DENND5B: variants seen among roughly 807,000 people sequenced by gnomAD.
The protein encoded by DENND5B is DENN domain containing 5B, also known as DENN domain-containing protein 5B.
A neutral mutation model predicts 140.6 loss-of-function variants in DENND5B; 34 were observed. That is an observed-to-expected ratio of 0.24 (90% CI 0.18 to 0.32). The LOEUF is 0.32. DENND5B is among the 10% of genes least tolerant of loss of function. The pLI is 1.00. For missense variants in DENND5B, 1,142 were observed against 1,560.2 expected, an observed-to-expected ratio of 0.73 and a Z score of 4.52; for synonymous variants, 551 against 562.1, an observed-to-expected ratio of 0.98 and a Z score of 0.28.
At chr12:31,461,577 T>C (rs896227483) in intron 3 of DENND5B, among the ~76,000 whole-genome samples, 3 of 152,210 alleles carry the variant, frequency 2.0e-5, no homozygotes, top group South Asian at 4.1e-4. Flanking sequence ...ATACCACATA[T>C]ATGAACTATC....
chr12:31,582,693 A>G (rs1950245597), intron 1 of DENND5B, among the ~76,000 whole-genome samples: 1 of 152,230 alleles, frequency 6.6e-6, no homozygotes, highest in Admixed American at 6.5e-5. Flanking sequence ...AAGAAGAAAC[A>G]AGCTAGGTCA....
intron 1 of DENND5B, among the ~76,000 whole-genome samples, chr12:31,585,243 A>G (rs886503792): frequency 3.3e-5 from 5 of 152,228 alleles, no homozygotes; most frequent in African/African-American, 1.2e-4. Flanking sequence ...CTTTGGCCTC[A>G]TTAAAATGAA....
At chr12:31,446,259 C>G (rs1421487508) in intron 6 of DENND5B, among the ~76,000 whole-genome samples, 1 of 152,066 alleles carries the variant, frequency 6.6e-6, no homozygotes. Context: ...AGTGATTCTT[C>G]TATGTCAGCC....
chr12:31,449,669 G>C (rs965992659), intron 5 of DENND5B, among the ~76,000 whole-genome samples: 11 of 151,486 alleles, frequency 7.3e-5, no homozygotes, highest in African/African-American at 2.7e-4. Context: ...GGAAGTATCA[G>C]GGCTTGATTT....
chr12:31,510,465 G>C (rs777856560), intron 1 of DENND5B, among the ~76,000 whole-genome samples: 1 of 152,066 alleles, frequency 6.6e-6, no homozygotes, highest in Non-Finnish European at 1.5e-5. Flanking sequence ...ACAGGCGCCC[G>C]CCACCACACC....
chr12:31,426,168 G>A, intron 9 of DENND5B, 125 bp downstream of exon 9: 1 of 1,122,584 alleles, frequency 8.9e-7, no homozygotes, highest in Non-Finnish European at 1.2e-6. Flanking sequence ...TGAGGTCAAT[G>A]CCACAGTAAA....
rs182449176 is a variant in DENND5B, at chr12:31,398,436, T to G, written c.3069-74A>C. On this transcript the variant is annotated intron_variant, in intron 16 of 20. Transcript: ENST00000389082. ...GGTTCCCGCTCAGCCCCCTGAGTAGTTGAGACTACAGGTGTGCACCACCAC... is the reference window on the plus strand; with the variant it reads ...GGTTCCCGCTCAGCCCCCTGAGTAGGTGAGACTACAGGTGTGCACCACCAC... 5.0e-6 allele frequency: 7 copies of G among 1,408,682 alleles called. No homozygotes were observed. The Admixed American group carries it at 1.4e-4, about 27-fold the overall frequency. The allele number at this position is 1,408,682 out of a possible 1,614,324, so 87.3% of individuals were successfully genotyped here. A position where few individuals can be genotyped will look rare whatever the true frequency, so the allele number is the denominator to read the frequency against.
chr12:31,472,796 A>G (rs879829105), intron 3 of DENND5B, among the ~76,000 whole-genome samples: 7 of 152,188 alleles, frequency 4.6e-5, no homozygotes, highest in Non-Finnish European at 1.0e-4. Flanking sequence ...ATTAATCAAA[A>G]TAAAGACTCA....
intron 1 of DENND5B, among the ~76,000 whole-genome samples, chr12:31,545,399 T>C (rs1333873864): frequency 6.6e-6 from 1 of 152,088 alleles, no homozygotes; most frequent in Non-Finnish European, 1.5e-5. Context: ...TTCTCCTCCA[T>C]CTAATAGTCC....
intron 11 of DENND5B, among the ~76,000 whole-genome samples, chr12:31,419,544 G>A (rs1273819563): frequency 1.3e-5 from 2 of 151,888 alleles, no homozygotes; most frequent in East Asian, 3.9e-4. Flanking sequence ...CACGTTTGTA[G>A]AGGGCAGGGA....
intron 1 of DENND5B, among the ~76,000 whole-genome samples, chr12:31,577,792 G>A (rs527266508): frequency 1.3e-5 from 2 of 148,970 alleles, no homozygotes; most frequent in African/African-American, 4.9e-5. Flanking sequence ...TATATTTAAG[G>A]ATTCAGCACT....
intron 1 of DENND5B, 135 bp downstream of exon 1, chr12:31,590,571 G>T: frequency 9.0e-7 from 1 of 1,116,450 alleles, no homozygotes; most frequent in Non-Finnish European, 1.2e-6. Context: ...CCGAGCGCCA[G>T]TTCGGCCAGA....
intron 1 of DENND5B, among the ~76,000 whole-genome samples, chr12:31,582,955 G>T (rs747689294): frequency 1.4e-4 from 22 of 152,186 alleles, no homozygotes; most frequent in Non-Finnish European, 2.5e-4. Context: ...TATAGGAACT[G>T]AAGTAAAGTA....
chr12:31,514,709 C>A (rs1150946), intron 1 of DENND5B, among the ~76,000 whole-genome samples: 1 of 151,608 alleles, frequency 6.6e-6, no homozygotes, highest in Admixed American at 6.6e-5. Context: ...CCCAGCTACT[C>A]GGGAGGCTAG....
chr12:31,566,055 G>A (rs1949614815), intron 1 of DENND5B, among the ~76,000 whole-genome samples: 1 of 152,162 alleles, frequency 6.6e-6, no homozygotes, highest in African/African-American at 2.4e-5. Flanking sequence ...TAGGGTGGAA[G>A]GATCGCTTGA....
intron 6 of DENND5B, chr12:31,443,670 C>G (rs1944148503): frequency 2.6e-5 from 4 of 152,088 alleles, no homozygotes; most frequent in Admixed American, 2.6e-4. Flanking sequence ...AGCACAATGG[C>G]CTTATTAACT....
intron 1 of DENND5B, among the ~76,000 whole-genome samples, chr12:31,526,805 G>A (rs1417325537): frequency 6.6e-6 from 1 of 152,212 alleles, no homozygotes; most frequent in Non-Finnish European, 1.5e-5. Flanking sequence ...GAGAAACTGG[G>A]TGAAGGGTAA....
Position 31,396,053 on chromosome 12 carries a change from C to CCTGTTTTTTTTTTTTTTTTTTTTTTT in DENND5B, c.3256+2121_3256+2122insAAAAAAAAAAAAAAAAAAAAAAACAG, listed in dbSNP as rs1399702795. Among the ~76,000 whole-genome samples, 7 of 102,844 alleles carry CCTGTTTTTTTTTTTTTTTTTTTTTTT rather than the reference C, an allele frequency of 6.8e-5. 3 individuals carry two copies. Among genetic ancestry groups the CCTGTTTTTTTTTTTTTTTTTTTTTTT allele is most frequent in the Non-Finnish European group, 1.2e-4 (6 of 51,544 alleles). 67.5% of individuals were successfully genotyped at this position (102,844 alleles called of 152,430 possible). A position where few individuals can be genotyped will look rare whatever the true frequency, so the allele number is the denominator to read the frequency against. ...TAGCTTCTGGTGGCTGTTGGCATTC[C>CCTGTTTTTTTTTTTTTTTTTTTTTTT]TTGTTTTTTTTTTTTTTTTTTTTTT... On this transcript the variant is annotated intron_variant, in intron 17 of 20. Coordinates refer to ENST00000389082, the MANE Select transcript of DENND5B (RefSeq NM_144973.4).
intron 17 of DENND5B, among the ~76,000 whole-genome samples, chr12:31,393,864 A>C (rs1941288043): frequency 6.6e-6 from 1 of 151,766 alleles, no homozygotes; most frequent in African/African-American, 2.4e-5. Context: ...ATTTTTTTGT[A>C]TTTTTAGTAG....
Sources: gnomAD v4.1 joint callset for allele counts (sites outside exome capture counted in the v4.1 genomes callset) on GRCh38, gnomAD v4.1.1 for gene constraint, MANE v1.5 for transcripts, NCBI Gene and HGNC (gene_info 2026-07-23, HGNC 2026-07-21) for gene names.